The following CDC25B variants were observed in gnomAD, a reference collection of about 807,000 sequenced individuals.
CDC25B encodes the protein cell division cycle 25B.
A neutral mutation model predicts 69.8 loss-of-function variants in CDC25B; 33 were observed. The ratio of observed to expected loss-of-function variants is 0.47; its 90% CI spans 0.36 to 0.63. The LOEUF (loss-of-function observed/expected upper bound fraction) is 0.63, where lower values mean the gene tolerates loss of function less well. Ranked by LOEUF, CDC25B falls within the 30% of genes least tolerant of loss-of-function variation. The pLI, the probability that CDC25B is intolerant of heterozygous loss-of-function variation, is 0.00. For missense variants in CDC25B, 727 were observed against 809.1 expected, an observed-to-expected ratio of 0.90 and a Z score of 1.23; for synonymous variants, 341 against 314.6, an observed-to-expected ratio of 1.08 and a Z score of -0.89.
chr20:3,790,860 G>A (rs1037784393), intron 1 of CDC25B, among the ~76,000 whole-genome samples: 4 of 151,240 alleles, frequency 2.6e-5, no homozygotes, highest in South Asian at 4.2e-4. Flanking sequence ...GTGAGCCACC[G>A]CACCTGGCCT....
rs1471994483 is a variant in CDC25B, at chr20:3,800,855, A to T, written c.572A>T (p.Asp191Val). 2.5e-6 allele frequency: 4 copies of T among 1,613,704 alleles called. No homozygotes were observed. Among genetic ancestry groups the T allele is most frequent in the Non-Finnish European group, 3.4e-6 (4 of 1,180,004 alleles). ...GSGAASSSGE[D>V]KENDGFVFKM... ...GGAGCTGCCAGCAGCTCTGGGGAAG[A>T]CAAGGAGAATGTGCGCTTCTGGAAG... Residue 191 changes from aspartate to valine, a missense_variant, in exon 6 of 16, where the codon GAC (aspartate) becomes GTC (valine). By Grantham distance (152) the Asp-to-Val change is radical (BLOSUM62 -3). This residue lies in a region of CDC25B where 368 missense variants were observed against 345.6 expected (regional missense o/e 1.06). Transcript: ENST00000245960.
upstream of CDC25B, among the ~76,000 whole-genome samples, chr20:3,793,255 C>T (rs1041429883): frequency 1.1e-4 from 16 of 152,130 alleles, no homozygotes; most frequent in East Asian, 1.7e-3. Flanking sequence ...GTCAGGAGTT[C>T]GAGACCAGCC....
upstream of CDC25B, among the ~76,000 whole-genome samples, chr20:3,793,118 ATG>A (rs1169847621): frequency 6.6e-6 from 1 of 152,188 alleles, no homozygotes; most frequent in African/African-American, 2.4e-5. Context: ...CAGTAATTTC[ATG>A]TTTCTTTTTT....
chr20:3,804,604 A>G lies in CDC25B; in HGVS notation c.1526A>G (p.Asn509Ser), dbSNP rs780540065. ...RFIRERDRAV[N>S]DYPSLYYPEM... ...ATCAGGGAACGAGACCGTGCTGTCAACGACTACCCCAGCCTCTACTACCCT... is the reference window on the plus strand; with the variant it reads ...ATCAGGGAACGAGACCGTGCTGTCAGCGACTACCCCAGCCTCTACTACCCT... The change falls in exon 15 of 16, where the codon AAC becomes AGC. Residue 509 changes from asparagine to serine, a missense_variant. Around this residue, in one of 2 missense-constraint regions of CDC25B, gnomAD observed 359 missense variants for 463.4 expected, o/e 0.77. Coordinates refer to ENST00000245960, the MANE Select transcript of CDC25B (RefSeq NM_021873.4). The G allele has an allele frequency of 1.9e-6, 3 of 1,614,110 alleles. No homozygotes were observed. The highest frequency in any genetic ancestry group is 1.7e-5 in the Admixed American group (1 of 60,010).
chr20:3,804,501 G>T (rs1485033899), intron 14 of CDC25B, 68 bp from the exon 15 acceptor site: 2 of 980,776 alleles, frequency 2.0e-6, no homozygotes, highest in Admixed American at 3.6e-5. Context: ...GGACGTGGGG[G>T]ATAGGTCCCA....
At chr20:3,794,848 C>T (rs1225628711), upstream of CDC25B, among the ~76,000 whole-genome samples, 3 of 152,268 alleles carry the variant, frequency 2.0e-5, no homozygotes, top group Non-Finnish European at 2.9e-5. Context: ...ATCCAATGCA[C>T]CTTGGGTCTG....
At chr20:3,786,978 C>T in exon 1 of CDC25B, 2 of 535,108 alleles carry the variant, frequency 3.7e-6, no homozygotes, top group African/African-American at 2.0e-5. Flanking sequence ...CTACTGCGCC[C>T]GGCGGACAGC....
chr20:3,801,018 C>T lies in CDC25B; in HGVS notation c.630C>T (p.Ser210=), dbSNP rs757831012. The T allele has an allele frequency of 6.2e-7, 1 of 1,614,060 alleles. No homozygotes were observed. Among genetic ancestry groups the T allele is most frequent in the Non-Finnish European group, 8.5e-7 (1 of 1,179,900 alleles). The change falls in exon 7 of 16, where the codon TCC becomes TCT. Residue 210 remains serine (S), a synonymous_variant. Transcript: ENST00000245960. The part of the protein sequence containing the change: ...KMPWKPTHPS[S]THALAEWASR... The stretch of plus-strand genomic sequence containing the variant: ...CATGGAAGCCCACACATCCCAGCTC[C>T]ACCCATGCTCTGGCAGAGTGGGCCA...
At chr20:3,795,735 C>T (rs1457302821), upstream of CDC25B, 2 of 985,420 alleles carry the variant, frequency 2.0e-6, no homozygotes, top group Admixed American at 6.1e-5. Context: ...CTGCGAATGA[C>T]GTTTTGCTGC....
intron 1 of CDC25B, among the ~76,000 whole-genome samples, chr20:3,789,754 C>T (rs1357942323): frequency 6.6e-6 from 1 of 152,062 alleles, no homozygotes; most frequent in African/African-American, 2.4e-5. Context: ...CTTTGGGAGG[C>T]CGAGGTGGGC....
At chr20:3,804,754 G>T in intron 15 of CDC25B, 67 bp from the exon 16 acceptor site, 1 of 1,591,158 alleles carries the variant, frequency 6.3e-7, no homozygotes, top group Non-Finnish European at 8.6e-7. Flanking sequence ...GGGATGGGGG[G>T]TGGGAGGGTT....
chr20:3,804,745 G>C (rs2089414942), intron 15 of CDC25B, 65 bp downstream of exon 15: 3 of 1,580,096 alleles, frequency 1.9e-6, no homozygotes, highest in Non-Finnish European at 2.6e-6. Flanking sequence ...TGGAGCCATG[G>C]GATGGGGGGT....
At position 3,803,465 on chromosome 20, in the gene CDC25B, C is replaced by T. The variant is rs61755297; in HGVS notation, c.1418C>T (p.Ala473Val). Reference protein sequence around the residue: ...AESFLLKSPIAPCSLDKRVIL... With the variant: ...AESFLLKSPIVPCSLDKRVIL... ...AGCTTCCTACTGAAGAGCCCCATCG[C>T]GCCCTGTAGCCTGGACAAGAGAGTC... Residue 473 changes from alanine (A) to valine (V), a missense_variant, in exon 14 of 16, where the codon GCG becomes GTG. Coordinates refer to ENST00000245960, the MANE Select transcript of CDC25B (RefSeq NM_021873.4). The surrounding 1 kb of genome is among the most constrained non-coding windows in gnomAD (Gnocchi z 4.9). The T allele has an allele frequency of 2.4e-4, 392 of 1,614,064 alleles. 2 individuals are homozygous for T. The African/African-American group carries it at 4.8e-3, about 20-fold the overall frequency.
chr20:3,801,840 A>C (rs765704112), intron 9 of CDC25B, 38 bp downstream of exon 9: 5 of 1,583,676 alleles, frequency 3.2e-6, no homozygotes, highest in East Asian at 4.5e-5. Context: ...ATTTGGAGGC[A>C]TGGGGTCCAT....
At position 3,801,728 on chromosome 20, in the gene CDC25B, G is replaced by A; in HGVS notation, c.847G>A (p.Asp283Asn). 1 of 1,600,600 alleles carries A rather than the reference G, an allele frequency of 6.2e-7. No homozygotes were observed. The highest frequency in any genetic ancestry group is 1.3e-5 in the African/African-American group (1 of 74,468). Residue 283 changes from aspartate to asparagine, a missense_variant, in exon 9 of 16, where the codon GAT (aspartate) becomes AAT (asparagine). This residue lies in a region of CDC25B where 359 missense variants were observed against 463.4 expected (regional missense o/e 0.77). Transcript: ENST00000245960. The part of the protein sequence containing the change: ...DILESDLKDD[D>N]AVPPGMESLI... ...CTTGCTAATCTGGCCTCAGGATGAT[G>A]ATGCAGTTCCCCCAGGCATGGAGAG...
At position 3,796,465 on chromosome 20, in the gene CDC25B, C is replaced by T. The variant is rs993965206; in HGVS notation, c.-67C>T. 1.3e-5 allele frequency: 16 copies of T among 1,239,658 alleles called. No homozygotes were observed. The highest frequency in any genetic ancestry group is 1.7e-5 in the African/African-American group (1 of 59,980). 76.8% of individuals were successfully genotyped at this position (1,239,658 alleles called of 1,614,324 possible). A position where few individuals can be genotyped will look rare whatever the true frequency, so the allele number is the denominator to read the frequency against. On this transcript the variant is annotated 5_prime_UTR_variant, in exon 1 of 16. Coordinates refer to ENST00000245960, the MANE Select transcript of CDC25B (RefSeq NM_021873.4). The stretch of plus-strand genomic sequence containing the variant: ...CCGCTGCCTCCCTCGGCCCAGCCAG[C>T]TGTGCCGGCGTTTGTTGGCTGCCCT...
chr20:3,793,309 T>C (rs2088945537), upstream of CDC25B, among the ~76,000 whole-genome samples: 1 of 151,984 alleles, frequency 6.6e-6, no homozygotes, highest in African/African-American at 2.4e-5. Context: ...AATACAAAAT[T>C]GGCCAGGAAT....
At chr20:3,787,498 T>A (rs2088845129) in intron 1 of CDC25B, among the ~76,000 whole-genome samples, 1 of 152,212 alleles carries the variant, frequency 6.6e-6, no homozygotes. Flanking sequence ...ACTCATAACA[T>A]CTTGGTGTGT....
rs753442970 is a variant in CDC25B, at chr20:3,801,232, T to C, written c.706-22T>C. On this transcript the variant is annotated intron_variant, in intron 7 of 15. Transcript: ENST00000245960. ...GGAACTATCTCCACCTCTAAGTCTGTGTCTGTCTGTCATGTGGACAGTGTC... is the reference window on the plus strand; with the variant it reads ...GGAACTATCTCCACCTCTAAGTCTGCGTCTGTCTGTCATGTGGACAGTGTC... 14 of 1,612,130 alleles carry C rather than the reference T, an allele frequency of 8.7e-6. No individual in the cohort carries two copies. In the Admixed American group the frequency reaches 2.2e-4, roughly 25 times the overall value.
Sources: gnomAD v4.1 joint callset for allele counts (sites outside exome capture counted in the v4.1 genomes callset) on GRCh38, gnomAD v4.1.1 for gene constraint, gnomAD v4.1.1 regional missense constraint, Gnocchi (gnomAD v3.1) non-coding constraint, MANE v1.5 for transcripts, NCBI Gene and HGNC (gene_info 2026-07-23, HGNC 2026-07-21) for gene names.